Variants in COL4A6 observed in about 807,000 individuals in gnomAD.
COL4A6 encodes the protein collagen alpha-6(IV) chain.
In COL4A6, 59 loss-of-function variants were observed where a neutral mutation model predicts 126.7. The observed-to-expected ratio is 0.47, with a 90% CI of 0.38 to 0.58. The LOEUF (loss-of-function observed/expected upper bound fraction) is 0.58, where lower values mean the gene tolerates loss of function less well. Among genes scored for constraint, COL4A6 ranks in the 20% least tolerant of loss-of-function variants. COL4A6 has a pLI of 0.00. For synonymous variants in COL4A6, 547 were observed against 496.6 expected (o/e 1.10, Z -1.35); for missense variants, 1,285 against 1,337.3 (o/e 0.96, Z 0.61).
chrX:108,156,205 A>G lies in COL4A6; in HGVS notation c.*795T>C, dbSNP rs1390741930. 9.0e-6 allele frequency: 1 copy of G among 111,614 alleles called. No homozygotes were observed. The highest frequency in any genetic ancestry group is 1.9e-5 in the Non-Finnish European group (1 of 53,107). The allele number at this position is 111,614 out of a possible 1,213,427, so 9.2% of individuals were successfully genotyped here. On this transcript the variant is annotated 3_prime_UTR_variant, in exon 45 of 45. Coordinates refer to ENST00000334504, the MANE Select transcript of COL4A6 (RefSeq NM_033641.4). ...ACCCCTCTACTTCTGGCCCAGGAAA[A>G]AAGGCTGTCATTCTCATTTCCTTTG...
At chrX:108,378,551 A>G (rs902313322) in intron 2 of COL4A6, among the ~76,000 whole-genome samples, 1 of 112,506 alleles carries the variant, frequency 8.9e-6, no homozygotes, top group African/African-American at 3.2e-5. Context: ...TTCTGGGCAC[A>G]TAGATTATAT....
intron 39 of COL4A6, 42 bp downstream of exon 39, chrX:108,164,835 G>A (rs368126530): frequency 6.7e-6 from 8 of 1,186,513 alleles, no homozygotes; most frequent in African/African-American, 3.5e-5. Flanking sequence ...AGTCCTGGCC[G>A]TGGAGTGGGG....
chrX:108,192,490 C>G lies in COL4A6; in HGVS notation c.1163G>C (p.Gly388Ala), dbSNP rs773984703. 1 of 1,207,348 alleles carries G rather than the reference C, an allele frequency of 8.3e-7. No homozygotes were observed. Among genetic ancestry groups the G allele is most frequent in the Non-Finnish European group, 1.1e-6 (1 of 892,472 alleles). The change falls in exon 18 of 45, where the codon GGA becomes GCA. Residue 388 changes from glycine to alanine, a missense_variant. Coordinates refer to ENST00000334504, the MANE Select transcript of COL4A6 (RefSeq NM_033641.4). ...QGLRGPSGVP[G>A]LPALSGVPGA... ...TTTTTCACCTGATAATGCTGGCAAT[C>G]CAGGGACACCAGAAGGGCCACGTAG...
chrX:108,348,490 A>G (rs1245583720), intron 2 of COL4A6, among the ~76,000 whole-genome samples: 3 of 111,899 alleles, frequency 2.7e-5, no homozygotes, highest in Non-Finnish European at 3.8e-5. Flanking sequence ...TTTTGTTTGC[A>G]TGAGTTTTCT....
chrX:108,326,605 T>C (rs1395493881), intron 2 of COL4A6, among the ~76,000 whole-genome samples: 1 of 112,221 alleles, frequency 8.9e-6, no homozygotes, highest in South Asian at 3.7e-4. Context: ...AAAGTATGAA[T>C]GAAACAGAAT....
In COL4A6 at chrX:108,165,010, A is replaced by G; in HGVS notation, c.3837T>C (p.Gly1279=). ...CTTGATTCGAGGATGGCCCAGGGGG[A>G]CCTGGGGGTCCAGCGGGGCCTGGGC... ...RGRPGPAGPP[G]PPGPSSNQGD... is the part of the protein sequence containing the mutation. The change falls in exon 39 of 45, where the codon GGT becomes GGC. Residue 1279 remains glycine, a synonymous_variant. Coordinates refer to ENST00000334504, the MANE Select transcript of COL4A6 (RefSeq NM_033641.4). The G allele has an allele frequency of 8.3e-7, 1 of 1,207,773 alleles. No individual in the cohort carries two copies. Among genetic ancestry groups the G allele is most frequent in the Non-Finnish European group, 1.1e-6 (1 of 894,280 alleles).
intron 2 of COL4A6, among the ~76,000 whole-genome samples, chrX:108,368,341 A>G (rs772997711): frequency 3.6e-4 from 40 of 111,624 alleles, no homozygotes; most frequent in Non-Finnish European, 3.8e-4. Flanking sequence ...AATATGGTAT[A>G]AAAGATTTAA....
intron 2 of COL4A6, among the ~76,000 whole-genome samples, chrX:108,335,902 A>G (rs767050815): frequency 9.0e-6 from 1 of 111,151 alleles, no homozygotes; most frequent in East Asian, 2.8e-4. Flanking sequence ...GAGACTTTAT[A>G]TGCATCATGC....
At chrX:108,162,222 C>A (rs1245787447) in intron 41 of COL4A6, among the ~76,000 whole-genome samples, 2 of 110,408 alleles carry the variant, frequency 1.8e-5, no homozygotes, top group Admixed American at 9.6e-5. Flanking sequence ...TGGTGGTATG[C>A]ACCTGTAGTC....
intron 2 of COL4A6, among the ~76,000 whole-genome samples, chrX:108,409,566 G>A (rs957737117): frequency 9.0e-6 from 1 of 111,608 alleles, no homozygotes; most frequent in African/African-American, 3.3e-5. Context: ...CTCACTGCTA[G>A]GAAGTGGAAA....
intron 31 of COL4A6, among the ~76,000 whole-genome samples, chrX:108,172,786 A>G (rs764946528): frequency 8.4e-4 from 94 of 112,228 alleles, no homozygotes; most frequent in African/African-American, 2.9e-3. Context: ...GAATCTTAGA[A>G]AGTCACAGTG....
chrX:108,361,584 G>A (rs1179792466), intron 2 of COL4A6, among the ~76,000 whole-genome samples: 2 of 111,512 alleles, frequency 1.8e-5, no homozygotes, highest in Non-Finnish European at 3.8e-5. Context: ...GACAACATTC[G>A]ATTTTAGCCA....
At chrX:108,263,866 C>T (rs190689743) in intron 3 of COL4A6, among the ~76,000 whole-genome samples, 20 of 111,604 alleles carry the variant, frequency 1.8e-4, no homozygotes, top group African/African-American at 6.5e-4. Context: ...AGCCTGTTTG[C>T]TGACCCTCCG....
At chrX:108,297,210 A>G (rs754284104) in intron 3 of COL4A6, among the ~76,000 whole-genome samples, 1 of 112,307 alleles carries the variant, frequency 8.9e-6, no homozygotes, top group African/African-American at 3.2e-5. Context: ...TCTAATAATT[A>G]ATGGAGTGCT....
At chrX:108,321,447 G>C (rs1020237878) in intron 2 of COL4A6, among the ~76,000 whole-genome samples, 3 of 111,403 alleles carry the variant, frequency 2.7e-5, no homozygotes, top group African/African-American at 9.8e-5. Context: ...GATGAGGGTT[G>C]ACAGGTGCCT....
At chrX:108,376,964 A>C (rs2040447571) in intron 2 of COL4A6, among the ~76,000 whole-genome samples, 1 of 112,566 alleles carries the variant, frequency 8.9e-6, no homozygotes, top group Non-Finnish European at 1.9e-5. Flanking sequence ...AGTGTAGAGA[A>C]AGAAAAATGG....
Position 108,176,884 on chromosome X carries a change from G to C in COL4A6, c.2643C>G (p.Gly881=). The part of the protein sequence containing the change: ...PGLVGLKGSP[G]SPGVAGLPAL... Reference sequence around the variant, plus strand: ...CTGGCAACCCAGCGACCCCTGGAGAGCCTGGGCTTCCTTTCAGTCCTACTA... The same window carrying C: ...CTGGCAACCCAGCGACCCCTGGAGACCCTGGGCTTCCTTTCAGTCCTACTA... The change falls in exon 28 of 45, where the codon GGC becomes GGG. Residue 881 remains glycine, a synonymous_variant. Transcript: ENST00000334504. The C allele has an allele frequency of 8.3e-7, 1 of 1,211,388 alleles. No homozygotes were observed.
chrX:108,275,098 C>T (rs2037564817), intron 3 of COL4A6, among the ~76,000 whole-genome samples: 1 of 111,237 alleles, frequency 9.0e-6, no homozygotes, highest in African/African-American at 3.3e-5. Context: ...TAACACTAAT[C>T]ATCCCTGCTT....
At chrX:108,263,254 T>C (rs1227689837) in intron 3 of COL4A6, among the ~76,000 whole-genome samples, 1 of 111,851 alleles carries the variant, frequency 8.9e-6, no homozygotes, top group Admixed American at 9.5e-5. Context: ...CCAGTGATTC[T>C]CAGTTTTACC....
Sources: gnomAD v4.1 joint callset for allele counts (sites outside exome capture counted in the v4.1 genomes callset) on GRCh38, gnomAD v4.1.1 for gene constraint, MANE v1.5 for transcripts, NCBI Gene and HGNC (gene_info 2026-07-23, HGNC 2026-07-21) for gene names.